The following CCSER1 variants were observed in gnomAD, a reference collection of about 807,000 sequenced individuals.
The protein encoded by CCSER1 is coiled-coil serine rich protein 1.
CCSER1 carries 41 observed loss-of-function variants against 82.0 expected under a neutral mutation model. That is an observed-to-expected ratio of 0.50 (90% confidence interval 0.39 to 0.65). CCSER1 has a LOEUF of 0.65. CCSER1 is among the 30% of genes least tolerant of loss of function. CCSER1 has a pLI of 0.00. For missense variants in CCSER1, 1,119 were observed against 1,064.2 expected (o/e 1.05, Z -0.72); for synonymous variants, 414 against 383.9 (o/e 1.08, Z -0.92).
chr4:90,791,218 C>T (rs775667931), intron 7 of CCSER1, among the ~76,000 whole-genome samples: 4 of 152,120 alleles, frequency 2.6e-5, no homozygotes, highest in Non-Finnish European at 5.9e-5. Context: ...TCAATTACCT[C>T]CCACTGGGTC....
At chr4:91,571,640 G>A (rs998750096) in intron 10 of CCSER1, among the ~76,000 whole-genome samples, 1 of 152,170 alleles carries the variant, frequency 6.6e-6, no homozygotes, top group Non-Finnish European at 1.5e-5. Context: ...CTATGATTCA[G>A]TTGCCTCCCA....
intron 10 of CCSER1, among the ~76,000 whole-genome samples, chr4:91,367,913 T>C (rs1749753526): frequency 6.6e-6 from 1 of 152,222 alleles, no homozygotes; most frequent in Non-Finnish European, 1.5e-5. Context: ...AAGTTTATTA[T>C]ACTTTCAGGA....
chr4:90,874,243 T>C (rs145657354), intron 8 of CCSER1, among the ~76,000 whole-genome samples: 1 of 152,290 alleles, frequency 6.6e-6, no homozygotes, highest in East Asian at 1.9e-4. Context: ...AATATTTTCT[T>C]ATGGTATGAT....
chr4:91,387,747 G>A (rs1439742059), intron 10 of CCSER1, among the ~76,000 whole-genome samples: 1 of 151,974 alleles, frequency 6.6e-6, no homozygotes, highest in African/African-American at 2.4e-5. Flanking sequence ...TGATAAGACA[G>A]ATAAGAGAGA....
At chr4:90,209,994 T>A (rs1416630081) in intron 1 of CCSER1, among the ~76,000 whole-genome samples, 5 of 152,196 alleles carry the variant, frequency 3.3e-5, no homozygotes, top group Admixed American at 1.3e-4. Context: ...AGCCTTTCTC[T>A]CTCGGTATCT....
intron 1 of CCSER1, among the ~76,000 whole-genome samples, chr4:90,273,022 C>CA (rs546422584): frequency 0.15 from 21,965 of 146,928 alleles, 1,987 homozygotes; most frequent in East Asian, 0.3. Flanking sequence ...AACAAACAAA[C>CA]AAAAAAAAAC....
intron 9 of CCSER1, among the ~76,000 whole-genome samples, chr4:91,078,353 A>G (rs1581493341): frequency 6.6e-6 from 1 of 152,226 alleles, no homozygotes; most frequent in African/African-American, 2.4e-5. Context: ...ACAGACCTGC[A>G]GCTGAAGGTC....
At chr4:91,297,377 G>GTGTGTA (rs1553921577) in intron 10 of CCSER1, among the ~76,000 whole-genome samples, 6 of 103,516 alleles carry the variant, frequency 5.8e-5, no homozygotes, top group African/African-American at 2.5e-4. Flanking sequence ...GTGTGTGTGT[G>GTGTGTA]TGTGTGTATG....
At chr4:91,214,272 C>G (rs1737063543) in intron 10 of CCSER1, among the ~76,000 whole-genome samples, 1 of 152,078 alleles carries the variant, frequency 6.6e-6, no homozygotes, top group Non-Finnish European at 1.5e-5. Flanking sequence ...GATTAAAGTG[C>G]CCACATAAAT....
At chr4:90,447,057 T>C (rs1044963465) in intron 4 of CCSER1, among the ~76,000 whole-genome samples, 4 of 152,194 alleles carry the variant, frequency 2.6e-5, no homozygotes, top group Non-Finnish European at 5.9e-5. Context: ...AGGTTATTAG[T>C]AGTTAAATTT....
At chr4:91,503,252 G>C (rs987454451) in intron 10 of CCSER1, among the ~76,000 whole-genome samples, 3 of 151,468 alleles carry the variant, frequency 2.0e-5, no homozygotes, top group Non-Finnish European at 2.9e-5. Context: ...TGAGGCAGGA[G>C]AATGGAGTGA....
At chr4:91,542,580 A>G (rs1244427832) in intron 10 of CCSER1, among the ~76,000 whole-genome samples, 2 of 152,126 alleles carry the variant, frequency 1.3e-5, no homozygotes, top group Admixed American at 1.3e-4. Context: ...ATTTAAGAGC[A>G]GGTTGTTCAG....
At chr4:91,102,954 A>C (rs1377554306) in intron 10 of CCSER1, among the ~76,000 whole-genome samples, 1 of 152,220 alleles carries the variant, frequency 6.6e-6, no homozygotes, top group Non-Finnish European at 1.5e-5. Context: ...GATACTTATC[A>C]TATCATAGTA....
chr4:90,305,252 A>T lies in CCSER1; in HGVS notation c.-41-2992A>T, dbSNP rs895244385. On this transcript the variant is annotated intron_variant, in intron 1 of 10. Coordinates refer to ENST00000509176, the MANE Select transcript of CCSER1 (RefSeq NM_001145065.2). ...TAATGCTGATCCAAATGCAGGAAAT[A>T]CTTTAAAAATGGCCAATAAATATTT... Among the ~76,000 whole-genome samples the T allele has an allele frequency of 2.6e-5, 4 of 152,186 alleles. No homozygotes were observed. In the South Asian group the frequency reaches 8.3e-4, roughly 31 times the overall value.
At chr4:90,486,092 T>C (rs955693380) in intron 5 of CCSER1, among the ~76,000 whole-genome samples, 26 of 152,208 alleles carry the variant, frequency 1.7e-4, no homozygotes, top group African/African-American at 5.8e-4. Flanking sequence ...TCCTTTATTG[T>C]TTCACTTTTC....
chr4:90,507,882 C>T (rs1446973545), intron 5 of CCSER1, among the ~76,000 whole-genome samples: 1 of 151,876 alleles, frequency 6.6e-6, no homozygotes, highest in African/African-American at 2.4e-5. Context: ...AAACATTTGA[C>T]AACTCAGTGA....
At chr4:91,423,233 G>C (rs6841098) in intron 10 of CCSER1, among the ~76,000 whole-genome samples, 21,203 of 150,976 alleles carry the variant, frequency 0.14, 1,986 homozygotes, top group African/African-American at 0.26. Flanking sequence ...CAAGACCAGC[G>C]TGGCCAACAT....
chr4:90,264,346 G>T (rs896858676), intron 1 of CCSER1, among the ~76,000 whole-genome samples: 3 of 152,052 alleles, frequency 2.0e-5, no homozygotes, highest in Admixed American at 2.0e-4. Flanking sequence ...ATTTTTGGTT[G>T]TTTATACTGC....
At position 91,008,052 on chromosome 4, in the gene CCSER1, T is replaced by A. The variant is rs180677197; in HGVS notation, c.2173-77898T>A. Among the ~76,000 whole-genome samples the A allele has an allele frequency of 1.3e-4, 20 of 152,296 alleles. No individual in the cohort carries two copies. In the East Asian group the frequency reaches 3.7e-3, roughly 28 times the overall value. The stretch of plus-strand genomic sequence containing the variant: ...TCCATGTGTTTGTATAGTTTCCTGC[T>A]TTTACTGATTCTAGTTTCATACACT... On this transcript the variant is annotated intron_variant, in intron 9 of 10. Coordinates refer to ENST00000509176, the MANE Select transcript of CCSER1 (RefSeq NM_001145065.2).
Sources: gnomAD v4.1 joint callset for allele counts (sites outside exome capture counted in the v4.1 genomes callset) on GRCh38, gnomAD v4.1.1 for gene constraint, MANE v1.5 for transcripts, NCBI Gene and HGNC (gene_info 2026-07-23, HGNC 2026-07-21) for gene names.